TCERG1L: variants seen among roughly 807,000 people sequenced by gnomAD.
TCERG1L encodes the protein transcription elongation regulator 1-like protein.
In TCERG1L, 37 loss-of-function variants were observed where a neutral mutation model predicts 56.3. The observed-to-expected ratio is 0.66, with a 90% CI of 0.51 to 0.87. The LOEUF is 0.87. Among genes scored for constraint, TCERG1L ranks in the 40% least tolerant of loss-of-function variants. The pLI, the probability that TCERG1L is intolerant of heterozygous loss-of-function variation, is 0.00. For synonymous variants in TCERG1L, 324 were observed against 326.3 expected (o/e 0.99, Z 0.08); for missense variants, 799 against 774.2 (o/e 1.03, Z -0.38).
At chr10:131,159,347 G>A (rs1845954287) in intron 6 of TCERG1L, among the ~76,000 whole-genome samples, 1 of 152,196 alleles carries the variant, frequency 6.6e-6, no homozygotes, top group East Asian at 1.9e-4. Context: ...TCTGGCAGAA[G>A]CTGTTGTTGA....
At chr10:131,140,191 A>G (rs1315813533) in intron 7 of TCERG1L, among the ~76,000 whole-genome samples, 1 of 152,188 alleles carries the variant, frequency 6.6e-6, no homozygotes, top group Non-Finnish European at 1.5e-5. Context: ...AGAGAGGTCC[A>G]GTTTTGGTAC....
chr10:131,284,125 CAA>C (rs10534180), intron 3 of TCERG1L, among the ~76,000 whole-genome samples: 78,437 of 116,256 alleles, frequency 0.67, 25,647 homozygotes, highest in East Asian at 0.82. Context: ...GACCACATCT[CAA>C]AAAAAAAAAA....
At chr10:131,166,381 A>G (rs1032736273) in intron 5 of TCERG1L, among the ~76,000 whole-genome samples, 8 of 152,288 alleles carry the variant, frequency 5.3e-5, no homozygotes, top group African/African-American at 1.9e-4. Context: ...CTTCAAATGC[A>G]CTGTCTTGGC....
At chr10:131,226,217 A>AT (rs2133503359) in intron 4 of TCERG1L, among the ~76,000 whole-genome samples, 1 of 152,282 alleles carries the variant, frequency 6.6e-6, no homozygotes, top group South Asian at 2.1e-4. Context: ...CTGGGAATAC[A>AT]GGTGTGATCC....
At chr10:131,257,782 G>C (rs1283553021) in intron 4 of TCERG1L, among the ~76,000 whole-genome samples, 1 of 152,178 alleles carries the variant, frequency 6.6e-6, no homozygotes, top group Non-Finnish European at 1.5e-5. Context: ...ATACCCTCTG[G>C]TTGCAGAATT....
intron 3 of TCERG1L, among the ~76,000 whole-genome samples, chr10:131,293,738 C>A (rs1564835865): frequency 1.3e-5 from 2 of 152,332 alleles, no homozygotes; most frequent in South Asian, 4.1e-4. Context: ...ATAAATCTGT[C>A]TTTAACTGTT....
chr10:131,216,163 T>C (rs1212226791), intron 4 of TCERG1L, among the ~76,000 whole-genome samples: 2 of 152,198 alleles, frequency 1.3e-5, no homozygotes, highest in Non-Finnish European at 2.9e-5. Context: ...AGCTAGTCAG[T>C]TTCTGCTCAC....
chr10:131,286,827 C>G (rs1421095212), intron 3 of TCERG1L, among the ~76,000 whole-genome samples: 1 of 152,164 alleles, frequency 6.6e-6, no homozygotes, highest in Admixed American at 6.5e-5. Flanking sequence ...CGCAAATGAG[C>G]TTGGTTGTTA....
intron 11 of TCERG1L, among the ~76,000 whole-genome samples, chr10:131,094,821 C>A (rs373055353): frequency 6.6e-6 from 1 of 152,198 alleles, no homozygotes; most frequent in East Asian, 1.9e-4. Context: ...ATGAGTCAAA[C>A]GGTCAGACTT....
intron 6 of TCERG1L, among the ~76,000 whole-genome samples, chr10:131,151,527 T>C (rs1845867824): frequency 6.6e-6 from 1 of 152,192 alleles, no homozygotes; most frequent in African/African-American, 2.4e-5. Context: ...CTTGGGTAGG[T>C]CTTCCCCTGT....
chr10:131,258,219 C>G (rs1011022388), intron 4 of TCERG1L, among the ~76,000 whole-genome samples: 1 of 152,352 alleles, frequency 6.6e-6, no homozygotes, highest in Non-Finnish European at 1.5e-5. Flanking sequence ...AGAGACAACG[C>G]CTTGCTCCCA....
At chr10:131,136,668 G>A in intron 7 of TCERG1L, among the ~76,000 whole-genome samples, 1 of 151,988 alleles carries the variant, frequency 6.6e-6, no homozygotes, top group East Asian at 2.0e-4. Context: ...GCTAATTTTT[G>A]TGTTTTTAGT....
chr10:131,095,594 GAAATGTTGAAAACTTAGCTACTTTTA>G (rs1845237445), intron 11 of TCERG1L: 1 of 152,134 alleles, frequency 6.6e-6, no homozygotes, highest in East Asian at 1.9e-4. Flanking sequence ...AAAAGTTTTT[GAAATGTTGAAAACTTAGCTACTTTTA>G]AAATGAAAAA....
chr10:131,291,397 A>ATT (rs1564835283), intron 3 of TCERG1L, among the ~76,000 whole-genome samples: 2 of 60,178 alleles, frequency 3.3e-5, no homozygotes, highest in Non-Finnish European at 3.2e-5. Context: ...CATAAACAGC[A>ATT]TTTCTTTTTT....
chr10:131,302,045 G>A (rs1846767247), intron 3 of TCERG1L, among the ~76,000 whole-genome samples: 1 of 152,024 alleles, frequency 6.6e-6, no homozygotes, highest in Non-Finnish European at 1.5e-5. Context: ...CATTAGGTGT[G>A]GTAAATTCAT....
chr10:131,093,473 C>T (rs1165774801), intron 11 of TCERG1L, among the ~76,000 whole-genome samples, 155 bp from the exon 12 acceptor site: 5 of 152,134 alleles, frequency 3.3e-5, no homozygotes, highest in African/African-American at 4.8e-5. Flanking sequence ...CTCTGACCAG[C>T]CGTGCCTGCT....
In TCERG1L at chr10:131,098,409, C is replaced by T. The variant is rs147764401; in HGVS notation, c.1501G>A (p.Val501Ile). 7 of 1,547,162 alleles carry T rather than the reference C, an allele frequency of 4.5e-6. No homozygotes were observed. Among genetic ancestry groups the T allele is most frequent in the Middle Eastern group, 1.7e-4 (1 of 5,992 alleles). The change falls in exon 11 of 12, where the codon GTC becomes ATC. Residue 501 changes from valine to isoleucine, a missense_variant. By Grantham distance (29) the Val-to-Ile change is conservative. Coordinates refer to ENST00000368642, the MANE Select transcript of TCERG1L (RefSeq NM_174937.4). ...TATTCTTCTTTTATTCTTGTCTTGA[C>T]AAACTGTTCAAATATCTTAAAACAC... ...EERKQIFEQF[V>I]KTRIKEEYKE...
At chr10:131,230,753 C>T (rs1258780321) in intron 4 of TCERG1L, among the ~76,000 whole-genome samples, 2 of 152,162 alleles carry the variant, frequency 1.3e-5, no homozygotes, top group Non-Finnish European at 2.9e-5. Context: ...TACTCACAGC[C>T]AGACAGCCTG....
In TCERG1L at chr10:131,239,233, G is replaced by A. The variant is rs117662060; in HGVS notation, c.856+21026C>T. Reference sequence around the variant, plus strand: ...AATTCCACACCTTTGCTTGAATGCAGCCTTTAATGCACATTTAAAAAAATA... The same window carrying A: ...AATTCCACACCTTTGCTTGAATGCAACCTTTAATGCACATTTAAAAAAATA... On this transcript the variant is annotated intron_variant, in intron 4 of 11. Transcript: ENST00000368642. Among the ~76,000 whole-genome samples the A allele has an allele frequency of 8.9e-3, 1,362 of 152,280 alleles. 8 individuals are homozygous for A. The highest frequency in any genetic ancestry group is 0.014 in the Non-Finnish European group (971 of 68,028).
Sources: gnomAD v4.1 joint callset for allele counts (sites outside exome capture counted in the v4.1 genomes callset) on GRCh38, gnomAD v4.1.1 for gene constraint, MANE v1.5 for transcripts, NCBI Gene and HGNC (gene_info 2026-07-23, HGNC 2026-07-21) for gene names.